The following MNAT1 variants were observed in gnomAD, a reference collection of about 807,000 sequenced individuals.
The protein encoded by MNAT1 is CDK-activating kinase assembly factor MAT1.
In MNAT1, 43 loss-of-function variants were observed where a neutral mutation model predicts 42.0. That is an observed-to-expected ratio of 1.02 (90% CI 0.80 to 1.32). MNAT1 has a LOEUF of 1.32. Among genes scored for constraint, MNAT1 ranks in the 40% most tolerant of loss-of-function variants. The pLI is 0.00. For synonymous variants in MNAT1, 118 were observed against 120.0 expected (o/e 0.98, Z 0.11); for missense variants, 306 against 350.4 (o/e 0.87, Z 1.01).
At chr14:60,756,081 A>C (rs368511155) in intron 1 of MNAT1, among the ~76,000 whole-genome samples, 6 of 152,172 alleles carry the variant, frequency 3.9e-5, no homozygotes, top group Non-Finnish European at 7.3e-5. Context: ...GGAAATGTAG[A>C]CTTTTTATTT....
intron 7 of MNAT1, among the ~76,000 whole-genome samples, chr14:60,911,523 G>C (rs1253359283): frequency 2.0e-5 from 3 of 151,996 alleles, no homozygotes; most frequent in Non-Finnish European, 2.9e-5. Flanking sequence ...GGTATGTTGT[G>C]TCTTTGTTCT....
At chr14:60,803,041 T>C (rs1289521439) in intron 3 of MNAT1, among the ~76,000 whole-genome samples, 1 of 151,426 alleles carries the variant, frequency 6.6e-6, no homozygotes. Flanking sequence ...TAAGCAATTA[T>C]CTGCCTCAGC....
intron 1 of MNAT1, among the ~76,000 whole-genome samples, chr14:60,763,159 C>T (rs1198606834): frequency 6.6e-6 from 1 of 152,120 alleles, no homozygotes; most frequent in Admixed American, 6.5e-5. Flanking sequence ...AGTTAATTTA[C>T]ACAATTTTCA....
chr14:60,779,882 T>C, intron 1 of MNAT1: 1 of 714,100 alleles, frequency 1.4e-6, no homozygotes, highest in Non-Finnish European at 2.4e-6. Flanking sequence ...CTTTTGAAAC[T>C]CTTGGCGGGG....
At chr14:60,762,167 GA>G (rs1173628608) in intron 1 of MNAT1, among the ~76,000 whole-genome samples, 1 of 152,220 alleles carries the variant, frequency 6.6e-6, no homozygotes, top group African/African-American at 2.4e-5. Flanking sequence ...TCAGTGACTT[GA>G]AGTTTGGGAC....
At chr14:60,781,941 C>T (rs531944223) in intron 1 of MNAT1, among the ~76,000 whole-genome samples, 4 of 142,930 alleles carry the variant, frequency 2.8e-5, no homozygotes, top group African/African-American at 1.0e-4. Context: ...TCCATGTATG[C>T]ATGGATTTTG....
At chr14:60,780,075 A>G (rs2031402794) in intron 1 of MNAT1, 2 of 1,467,594 alleles carry the variant, frequency 1.4e-6, no homozygotes, top group South Asian at 1.1e-5. Context: ...AGCATTTTAT[A>G]TCAGCGTGGC....
intron 6 of MNAT1, among the ~76,000 whole-genome samples, chr14:60,864,403 TC>T (rs2034161179): frequency 6.6e-6 from 1 of 152,040 alleles, no homozygotes; most frequent in African/African-American, 2.4e-5. Context: ...AAATAAATTT[TC>T]ATATTTTAGT....
intron 6 of MNAT1, among the ~76,000 whole-genome samples, chr14:60,863,034 A>C (rs2139436570): frequency 6.6e-6 from 1 of 152,224 alleles, no homozygotes; most frequent in East Asian, 1.9e-4. Flanking sequence ...ATTTATCTTG[A>C]GTTTGTGATC....
intron 7 of MNAT1, among the ~76,000 whole-genome samples, chr14:60,918,198 CTTTTTTTTT>C (rs386381525): frequency 1.6e-4 from 8 of 48,598 alleles, no homozygotes; most frequent in East Asian, 9.1e-4. Context: ...ATTAATTGTT[CTTTTTTTTT>C]TTTTTTTTTT....
At chr14:60,809,742 G>A (rs749953757) in intron 4 of MNAT1, among the ~76,000 whole-genome samples, 1 of 152,060 alleles carries the variant, frequency 6.6e-6, no homozygotes, top group Non-Finnish European at 1.5e-5. Context: ...TTAATGTGCA[G>A]TTGGATTCAG....
chr14:60,865,525 C>A (rs897760803), intron 6 of MNAT1, among the ~76,000 whole-genome samples: 1 of 152,024 alleles, frequency 6.6e-6, no homozygotes, highest in Non-Finnish European at 1.5e-5. Flanking sequence ...CAGATAGTCT[C>A]CTTGATGTTT....
intron 5 of MNAT1, 133 bp downstream of exon 5, chr14:60,812,260 A>G (rs958793401): frequency 3.9e-6 from 3 of 772,610 alleles, no homozygotes; most frequent in Non-Finnish European, 5.8e-6. Flanking sequence ...TTTGTTGGTT[A>G]TGTATTGATA....
At position 60,808,228 on chromosome 14, in the gene MNAT1, A is replaced by G. The variant is rs1259710830; in HGVS notation, c.317-97A>G. 3.8e-5 allele frequency: 26 copies of G among 686,626 alleles called. 1 individual carries two copies. The highest frequency in any genetic ancestry group is 2.1e-4 in the South Asian group (10 of 46,660). 42.5% of individuals were successfully genotyped at this position (686,626 alleles called of 1,614,324 possible). The stretch of plus-strand genomic sequence containing the variant: ...ACAAATAGAGCTATAAAGAATGACA[A>G]CCTAACAAATGAGTCACTGTGGTAT... On this transcript the variant is annotated intron_variant, in intron 3 of 7. Transcript: ENST00000261245.
intron 1 of MNAT1, among the ~76,000 whole-genome samples, chr14:60,793,485 C>T (rs1181457869): frequency 1.3e-5 from 2 of 152,118 alleles, no homozygotes; most frequent in African/African-American, 4.8e-5. Context: ...GCCTCAGCCT[C>T]CTGAGTAGCT....
intron 7 of MNAT1, among the ~76,000 whole-genome samples, chr14:60,897,583 A>G (rs2034983764): frequency 6.6e-6 from 1 of 152,152 alleles, no homozygotes; most frequent in African/African-American, 2.4e-5. Context: ...TTTGCTACCA[A>G]AATTCTGCAG....
intron 1 of MNAT1, among the ~76,000 whole-genome samples, chr14:60,777,479 G>A (rs1594745948): frequency 1.3e-5 from 2 of 151,528 alleles, no homozygotes; most frequent in South Asian, 4.2e-4. Flanking sequence ...TTAAAATTTT[G>A]ATGTAGCATA....
At chr14:60,796,698 A>G (rs2032029473) in intron 2 of MNAT1, among the ~76,000 whole-genome samples, 1 of 152,188 alleles carries the variant, frequency 6.6e-6, no homozygotes, top group Non-Finnish European at 1.5e-5. Context: ...GATGAGTAAA[A>G]CAGCTATGAA....
rs2036724796 is a variant in MNAT1, at chr14:60,968,515, G to A, written c.*166G>A. On this transcript the variant is annotated 3_prime_UTR_variant, in exon 8 of 8. Transcript: ENST00000261245. Reference sequence around the variant, plus strand: ...TTCAGAACTAAGTTGAGTAATATAGGGGATATATATTTGTGAAAAATAATT... The same window carrying A: ...TTCAGAACTAAGTTGAGTAATATAGAGGATATATATTTGTGAAAAATAATT... 1 of 1,468,012 alleles carries A rather than the reference G, an allele frequency of 6.8e-7. No homozygotes were observed. The allele number at this position is 1,468,012 out of a possible 1,614,324, so 90.9% of individuals were successfully genotyped here.
Sources: gnomAD v4.1 joint callset for allele counts (sites outside exome capture counted in the v4.1 genomes callset) on GRCh38, gnomAD v4.1.1 for gene constraint, MANE v1.5 for transcripts, NCBI Gene and HGNC (gene_info 2026-07-23, HGNC 2026-07-21) for gene names.